Variants in CRBN observed in about 807,000 individuals in gnomAD.
CRBN encodes cereblon.
In CRBN, 53 loss-of-function variants were observed where a neutral mutation model predicts 62.2. The observed-to-expected ratio is 0.85, with a 90% CI of 0.68 to 1.07. CRBN has a LOEUF of 1.07. Ranked by LOEUF, CRBN falls within the 50% of genes least tolerant of loss-of-function variation. CRBN has a pLI of 0.00. For missense variants in CRBN, 616 were observed against 531.1 expected (o/e 1.16, Z -1.57); for synonymous variants, 208 against 176.1 (o/e 1.18, Z -1.43).
chr3:3,151,496 A>G (rs1247679821), intron 10 of CRBN, among the ~76,000 whole-genome samples: 1 of 94,716 alleles, frequency 1.1e-5, no homozygotes, highest in East Asian at 2.0e-4. Flanking sequence ...CAAAAAGTAA[A>G]TATTTATATT....
chr3:3,179,303 G>T (rs958285310), intron 1 of CRBN, among the ~76,000 whole-genome samples: 9 of 152,186 alleles, frequency 5.9e-5, no homozygotes, highest in African/African-American at 2.2e-4. Flanking sequence ...AATCTGACCC[G>T]GTCCTCTAGT....
At chr3:3,179,536 G>T in intron 1 of CRBN, 85 bp downstream of exon 1, 1 of 1,368,802 alleles carries the variant, frequency 7.3e-7, no homozygotes, top group Non-Finnish European at 1.0e-6. Flanking sequence ...GCGCCCCCAC[G>T]CCCGCCTCCC....
intron 1 of CRBN, among the ~76,000 whole-genome samples, chr3:3,176,017 G>T (rs1006614747): frequency 1.3e-5 from 2 of 152,036 alleles, no homozygotes; most frequent in African/African-American, 2.4e-5. Context: ...AGGTTTTTCC[G>T]CTGTAAAGTT....
At chr3:3,174,658 A>G (rs1707758651) in intron 2 of CRBN, among the ~76,000 whole-genome samples, 1 of 137,894 alleles carries the variant, frequency 7.3e-6, no homozygotes, top group African/African-American at 2.6e-5. Context: ...AAAAAAGAAA[A>G]AAATACAAAT....
chr3:3,151,687 G>A (rs954927898), intron 10 of CRBN, among the ~76,000 whole-genome samples: 3 of 152,110 alleles, frequency 2.0e-5, no homozygotes, highest in African/African-American at 7.2e-5. Context: ...TGCCAAGTAA[G>A]ATAGGGCAAT....
intron 5 of CRBN, among the ~76,000 whole-genome samples, chr3:3,160,096 G>A (rs3792415): frequency 2.0e-5 from 3 of 151,968 alleles, no homozygotes; most frequent in African/African-American, 7.3e-5. Context: ...CCCTTAAAAC[G>A]AATCTGTTAC....
intron 4 of CRBN, among the ~76,000 whole-genome samples, chr3:3,170,967 G>C (rs1707584254): frequency 6.6e-6 from 1 of 151,992 alleles, no homozygotes; most frequent in Non-Finnish European, 1.5e-5. Flanking sequence ...CACCATGCCC[G>C]GCTAACTTTG....
rs1300645996 is a variant in CRBN at position 3,150,873 on chromosome 3, A to G, written c.1321T>C (p.Cys441Arg). ...DEISPDKVILCL is the reference protein window; with the variant it reads ...DEISPDKVILRL The stretch of plus-strand genomic sequence containing the variant: ...ATCTCTATCACATCTGTTTACAAGC[A>G]AAGTATTACTTTGTCTGGACTTATT... Residue 441 changes from cysteine (C) to arginine (R), a missense_variant, in exon 11 of 11, where the codon TGC (cysteine) becomes CGC (arginine). Transcript: ENST00000231948. 1.9e-6 allele frequency: 3 copies of G among 1,613,640 alleles called. No homozygotes were observed. In the Admixed American group the frequency reaches 5.0e-5, roughly 27 times the overall value.
chr3:3,162,265 T>C (rs1227223514), intron 5 of CRBN, among the ~76,000 whole-genome samples: 2 of 152,220 alleles, frequency 1.3e-5, no homozygotes, highest in Admixed American at 1.3e-4. Flanking sequence ...GCAGGGAATA[T>C]ACTTAGAAAC....
At chr3:3,172,558 A>C (rs1322455539) in intron 4 of CRBN, 1 of 576,614 alleles carries the variant, frequency 1.7e-6, no homozygotes, top group Non-Finnish European at 3.1e-6. Flanking sequence ...TGGAGATGGG[A>C]GATGAGGTTG....
At chr3:3,165,707 A>G in intron 5 of CRBN, among the ~76,000 whole-genome samples, 1 of 152,168 alleles carries the variant, frequency 6.6e-6, no homozygotes, top group Non-Finnish European at 1.5e-5. Context: ...GACTAACTTT[A>G]TTGTGATACT....
intron 4 of CRBN, among the ~76,000 whole-genome samples, chr3:3,168,085 CAA>C (rs1019957977): frequency 2.6e-5 from 4 of 151,976 alleles, no homozygotes; most frequent in African/African-American, 9.7e-5. Context: ...ATAAATGAAA[CAA>C]AGTTTTAAAA....
At chr3:3,158,986 T>G (rs1244117183) in intron 5 of CRBN, among the ~76,000 whole-genome samples, 3 of 152,364 alleles carry the variant, frequency 2.0e-5, no homozygotes, top group Admixed American at 1.3e-4. Context: ...CGAGATCTGA[T>G]GGTTTTATTA....
chr3:3,167,560 G>A, intron 5 of CRBN, 74 bp downstream of exon 5: 1 of 1,421,578 alleles, frequency 7.0e-7, no homozygotes, highest in Non-Finnish European at 9.9e-7. Context: ...TGAAAGTTGT[G>A]TTTCTTTCTT....
At position 3,152,089 on chromosome 3, in the gene CRBN, A is replaced by AAGAT. The variant is rs375379906; in HGVS notation, c.1148+363_1148+366dup. Among the ~76,000 whole-genome samples, 207 of 152,312 alleles carry AAGAT rather than the reference A, an allele frequency of 1.4e-3. 2 individuals are homozygous for AAGAT. The highest frequency in any genetic ancestry group is 6.8e-3 in the Middle Eastern group (2 of 294). Reference sequence around the variant, plus strand: ...TTTTCTTCCTTTCATTCAATGATAAAAGATACAAAAAGTGCAACAGATGTT... The same window carrying AAGAT: ...TTTTCTTCCTTTCATTCAATGATAAAAGATAGATACAAAAAGTGCAACAGATGTT... On this transcript the variant is annotated intron_variant, in intron 10 of 10. Transcript: ENST00000231948.
At chr3:3,173,286 G>A (rs892902885) in intron 3 of CRBN, among the ~76,000 whole-genome samples, 2 of 152,090 alleles carry the variant, frequency 1.3e-5, no homozygotes, top group Non-Finnish European at 2.9e-5. Flanking sequence ...TCAAACTCCC[G>A]ACCTCAGGTG....
chr3:3,167,774 G>A lies in CRBN; in HGVS notation c.547C>T (p.Gln183Ter). The change falls in exon 5 of 11, where the codon CAA becomes TAA. Residue 183 changes from glutamine to a stop codon, truncating the protein, a stop_gained. Transcript: ENST00000231948. LOFTEE classifies it high-confidence loss of function. ...QSDGIQQAKV[Q>*]ILPECVLPST... Reference sequence around the variant, plus strand: ...GGCAACACACATTCGGGAAGAATTTGCACTTTAGCTTGCTGGATTCTAAAA... The same window carrying A: ...GGCAACACACATTCGGGAAGAATTTACACTTTAGCTTGCTGGATTCTAAAA... 2.5e-6 allele frequency: 4 copies of A among 1,613,446 alleles called. No individual in the cohort carries two copies. Among genetic ancestry groups the A allele is most frequent in the Non-Finnish European group, 3.4e-6 (4 of 1,179,570 alleles).
chr3:3,149,707 G>GAAGT (rs1255720034), downstream of CRBN: 4 of 152,194 alleles, frequency 2.6e-5, no homozygotes, highest in Non-Finnish European at 2.9e-5. Context: ...ATCCTGATTG[G>GAAGT]AAGTATTCTT....
intron 1 of CRBN, among the ~76,000 whole-genome samples, chr3:3,178,716 T>C (rs1707933082): frequency 6.6e-6 from 1 of 152,178 alleles, no homozygotes; most frequent in African/African-American, 2.4e-5. Context: ...GCCTAGACAG[T>C]AAACCTCAAT....
Sources: gnomAD v4.1 joint callset for allele counts (sites outside exome capture counted in the v4.1 genomes callset) on GRCh38, gnomAD v4.1.1 for gene constraint, MANE v1.5 for transcripts, NCBI Gene and HGNC (gene_info 2026-07-23, HGNC 2026-07-21) for gene names.